The following CSPG4 variants were observed in gnomAD, a reference collection of about 807,000 sequenced individuals.
CSPG4 encodes chondroitin sulfate proteoglycan 4 (melanoma-associated).
CSPG4 carries 74 observed loss-of-function variants against 139.3 expected under a neutral mutation model. The ratio of observed to expected loss-of-function variants is 0.53; its 90% CI spans 0.44 to 0.64. CSPG4 has a LOEUF of 0.64. Among genes scored for constraint, CSPG4 ranks in the 30% least tolerant of loss-of-function variants. The pLI is 0.00. For synonymous variants in CSPG4, 1,234 were observed against 1,394.2 expected, an observed-to-expected ratio of 0.89 and a Z score of 2.56; for missense variants, 2,565 against 3,148.3, an observed-to-expected ratio of 0.81 and a Z score of 4.43.
At chr15:75,700,485 C>CT (rs982714031) in intron 1 of CSPG4, among the ~76,000 whole-genome samples, 1 of 152,144 alleles carries the variant, frequency 6.6e-6, no homozygotes, top group Non-Finnish European at 1.5e-5. Flanking sequence ...CGGGAGGGCC[C>CT]TTCTGCAGGG....
intron 1 of CSPG4, among the ~76,000 whole-genome samples, chr15:75,694,603 C>G (rs1894203769): frequency 1.3e-5 from 2 of 152,252 alleles, no homozygotes; most frequent in African/African-American, 4.8e-5. Context: ...GAGTCGGAGA[C>G]TTGTACACCC....
At chr15:75,682,261 T>G in intron 8 of CSPG4, 32 bp downstream of exon 8, 2 of 1,596,150 alleles carry the variant, frequency 1.3e-6, no homozygotes, top group Non-Finnish European at 1.7e-6. Context: ...GCTGGGGGCA[T>G]CTGAGTGGTG....
At chr15:75,683,794 C>T (rs1566972812) in intron 5 of CSPG4, among the ~76,000 whole-genome samples, 1 of 152,128 alleles carries the variant, frequency 6.6e-6, no homozygotes. Context: ...TGGGCTTCCT[C>T]CCCCGGCCCC....
chr15:75,687,492 G>A lies in CSPG4; in HGVS notation c.3573C>T (p.Asp1191=), dbSNP rs750674740. 1.2e-6 allele frequency: 2 copies of A among 1,612,542 alleles called. No homozygotes were observed. Among genetic ancestry groups the A allele is most frequent in the African/African-American group, 1.3e-5 (1 of 75,030 alleles). Residue 1191 remains aspartate, a synonymous_variant, in exon 3 of 10, where the codon GAC becomes GAT. Coordinates refer to ENST00000308508, the MANE Select transcript of CSPG4 (RefSeq NM_001897.5). The surrounding 1 kb of genome is among the most constrained non-coding windows in gnomAD (Gnocchi z 5.4). ...GQPATAFSQQ[D]LLDGAVLYSH... Reference sequence around the variant, plus strand: ...TATAGAGAACGGCCCCATCCAGCAGGTCCTGCTGGGAGAAGGCTGTGGCTG... The same window carrying A: ...TATAGAGAACGGCCCCATCCAGCAGATCCTGCTGGGAGAAGGCTGTGGCTG...
chr15:75,678,520 T>A (rs752239640), intron 8 of CSPG4: 1 of 391,090 alleles, frequency 2.6e-6, no homozygotes, highest in South Asian at 1.9e-5. Context: ...ACCCAGCTAT[T>A]TTTTTTTATT....
rs145409682 is a variant in CSPG4 at position 75,684,897 on chromosome 15, T to A, written c.4288A>T (p.Ile1430Phe). ...FSWRMVEEQL[I>F]RYVHDGSETL... ...TCGCTCCCGTCATGCACGTAGCGGA[T>A]CAGCTGCTCTTCCACCTAGGGGCAG... Residue 1430 changes from isoleucine to phenylalanine, a missense_variant, in exon 5 of 10, where the codon ATC (isoleucine) becomes TTC (phenylalanine). Physicochemically the swap from Ile to Phe is conservative, Grantham distance 21. Coordinates refer to ENST00000308508, the MANE Select transcript of CSPG4 (RefSeq NM_001897.5). 20 of 1,609,192 alleles carry A rather than the reference T, an allele frequency of 1.2e-5. No homozygotes were observed. The highest frequency in any genetic ancestry group is 1.6e-5 in the Non-Finnish European group (19 of 1,176,318).
chr15:75,694,372 C>CA (rs1304574898), intron 1 of CSPG4, among the ~76,000 whole-genome samples: 2 of 152,234 alleles, frequency 1.3e-5, no homozygotes, highest in Non-Finnish European at 2.9e-5. Context: ...TGATAAGAGC[C>CA]AAATATAACT....
Position 75,684,748 on chromosome 15 carries a change from G to T in CSPG4, c.4437C>A (p.Asn1479Lys). 6.2e-7 allele frequency: 1 copy of T among 1,613,648 alleles called. No homozygotes were observed. Among genetic ancestry groups the T allele is most frequent in the Admixed American group, 1.7e-5 (1 of 59,998 alleles). Residue 1479 changes from asparagine to lysine, a missense_variant, in exon 5 of 10, where the codon AAC (asparagine) becomes AAA (lysine). Coordinates refer to ENST00000308508, the MANE Select transcript of CSPG4 (RefSeq NM_001897.5). ...GGGATGCTCTCACCTGCAGGCCTGT[G>T]TTTGTAGTGAGGATGGGGGGTTGGT... The part of the protein sequence containing the change: ...VNDQPPILTT[N>K]TGLQMWEGAT...
chr15:75,675,465 A>G lies in CSPG4; in HGVS notation c.*85T>C. The G allele has an allele frequency of 7.3e-7, 1 of 1,362,076 alleles. No individual in the cohort carries two copies. Among genetic ancestry groups the G allele is most frequent in the African/African-American group, 1.5e-5 (1 of 68,282 alleles). 84.4% of individuals were successfully genotyped at this position (1,362,076 alleles called of 1,614,324 possible). The stretch of plus-strand genomic sequence containing the variant: ...TCTCTCTTGCTCTGGGGATACTCAG[A>G]CAGCACCAGGCATGGAAGCAATGGG... On this transcript the variant is annotated 3_prime_UTR_variant, in exon 10 of 10. Coordinates refer to ENST00000308508, the MANE Select transcript of CSPG4 (RefSeq NM_001897.5).
chr15:75,688,645 A>G lies in CSPG4; in HGVS notation c.2420T>C (p.Leu807Pro), dbSNP rs1894102950. The G allele has an allele frequency of 6.2e-7, 1 of 1,612,360 alleles. No homozygotes were observed. The highest frequency in any genetic ancestry group is 8.5e-7 in the Non-Finnish European group (1 of 1,179,806). Residue 807 changes from leucine (L) to proline (P), a missense_variant, in exon 3 of 10, where the codon CTG becomes CCG. By Grantham distance (98) the Leu-to-Pro change is moderately conservative (BLOSUM62 -3). Transcript: ENST00000308508. Reference protein sequence around the residue: ...TQQETLTTAHLEATLEEAGPS... With the variant: ...TQQETLTTAHPEATLEEAGPS... The stretch of plus-strand genomic sequence containing the variant: ...GCCTGCCTCCTCCAGGGTGGCCTCC[A>G]GGTGGGCTGTGGTGAGGGTCTCCTG...
In CSPG4 at chr15:75,689,603, C is replaced by G; in HGVS notation, c.1462G>C (p.Ala488Pro). The G allele has an allele frequency of 1.2e-6, 2 of 1,600,140 alleles. No individual in the cohort carries two copies. Among genetic ancestry groups the G allele is most frequent in the Non-Finnish European group, 1.7e-6 (2 of 1,170,224 alleles). Residue 488 changes from alanine (A) to proline (P), a missense_variant, in exon 3 of 10, where the codon GCC (alanine) becomes CCC (proline). This residue lies in a region of CSPG4 where 2,316 missense variants were observed against 2,818.2 expected (regional missense o/e 0.82). Transcript: ENST00000308508. ...AGGGTGAACATTTTTCGTGCCTGGG[C>G]TCCCGGGATGTCCAGCTCGAGCTCG... The part of the protein sequence containing the change: ...HGELELDIPG[A>P]QARKMFTLLD...
At position 75,675,250 on chromosome 15, in the gene CSPG4, G is replaced by A; in HGVS notation, c.*300C>T. On this transcript the variant is annotated 3_prime_UTR_variant, in exon 10 of 10. Coordinates refer to ENST00000308508, the MANE Select transcript of CSPG4 (RefSeq NM_001897.5). ...GGACCCAGAGTCATGACCCATGTAG[G>A]AGGTTACCCTGGTTTTGACAGCCCA... 3.1e-6 allele frequency: 1 copy of A among 327,736 alleles called. No individual in the cohort carries two copies. The highest frequency in any genetic ancestry group is 5.5e-6 in the Non-Finnish European group (1 of 181,532). 20.3% of individuals were successfully genotyped at this position (327,736 alleles called of 1,614,324 possible). A position where few individuals can be genotyped will look rare whatever the true frequency, so the allele number is the denominator to read the frequency against.
rs201111636 is a variant in CSPG4 at position 75,676,070 on chromosome 15, C to T, written c.6449G>A (p.Gly2150Asp). The T allele has an allele frequency of 1.3e-6, 2 of 1,534,096 alleles. No homozygotes were observed. The highest frequency in any genetic ancestry group is 1.7e-6 in the Non-Finnish European group (2 of 1,143,702). ...DSLTLELWAQ[G>D]VPPAVASLDF... is the part of the protein sequence containing the mutation. ...CAGGGAGGCCACAGCAGGCGGGACGCCCTGTGCCCACAGCTCCAGAGTGAG... is the reference window on the plus strand; with the variant it reads ...CAGGGAGGCCACAGCAGGCGGGACGTCCTGTGCCCACAGCTCCAGAGTGAG... The change falls in exon 10 of 10, where the codon GGC (glycine) becomes GAC (aspartate). Residue 2150 changes from glycine to aspartate, a missense_variant. Around this residue, in one of 5 missense-constraint regions of CSPG4, gnomAD observed 2,316 missense variants for 2,818.2 expected, o/e 0.82. Coordinates refer to ENST00000308508, the MANE Select transcript of CSPG4 (RefSeq NM_001897.5).
Position 75,687,542 on chromosome 15 carries a change from C to T in CSPG4, c.3523G>A (p.Gly1175Arg). The T allele has an allele frequency of 6.2e-7, 1 of 1,611,182 alleles. No homozygotes were observed. The highest frequency in any genetic ancestry group is 8.5e-7 in the Non-Finnish European group (1 of 1,178,744). Residue 1175 changes from glycine to arginine, a missense_variant, in exon 3 of 10, where the codon GGA becomes AGA. Gly to Arg is a moderately radical substitution (Grantham distance 125). This residue lies in a region of CSPG4 where 2,316 missense variants were observed against 2,818.2 expected (regional missense o/e 0.82). Transcript: ENST00000308508. The surrounding 1 kb of genome is among the most constrained non-coding windows in gnomAD (Gnocchi z 5.4). ...HYHVTAGPRWGQLVRAGQPAT... is the reference protein window; with the variant it reads ...HYHVTAGPRWRQLVRAGQPAT... ...GGCTGACCAGCCCGGACTAGCTGTC[C>T]CCAGCGAGGGCCAGCTGTGACGTGG...
At chr15:75,697,010 G>C (rs905797914) in intron 1 of CSPG4, among the ~76,000 whole-genome samples, 1 of 152,200 alleles carries the variant, frequency 6.6e-6, no homozygotes, top group Non-Finnish European at 1.5e-5. Context: ...AGGCTCCGGG[G>C]ACAAGGAGTC....
At position 75,688,222 on chromosome 15, in the gene CSPG4, C is replaced by G. The variant is rs143336068; in HGVS notation, c.2843G>C (p.Arg948Pro). Residue 948 changes from arginine (R) to proline (P), a missense_variant, in exon 3 of 10, where the codon CGT becomes CCT. Arg to Pro is a moderately radical substitution (Grantham distance 103). Coordinates refer to ENST00000308508, the MANE Select transcript of CSPG4 (RefSeq NM_001897.5). ...CATAGTGGTCTTGTCCTGTGTCCCA[C>G]GCCAAGCCAACCTCCCATGGCGGGG... Reference protein sequence around the residue: ...ERPRHGRLAWRGTQDKTTMVT... With the variant: ...ERPRHGRLAWPGTQDKTTMVT... 43 of 1,612,966 alleles carry G rather than the reference C, an allele frequency of 2.7e-5. No homozygotes were observed. The highest frequency in any genetic ancestry group is 5.0e-5 in the Admixed American group (3 of 60,022).
At position 75,689,424 on chromosome 15, in the gene CSPG4, G is replaced by T. The variant is rs149356457; in HGVS notation, c.1641C>A (p.Asn547Lys). Residue 547 changes from asparagine to lysine, a missense_variant, in exon 3 of 10, where the codon AAC (asparagine) becomes AAA (lysine). Physicochemically the swap from Asn to Lys is moderately conservative, Grantham distance 94. Transcript: ENST00000308508. ...TGATGTGGGGTGGGTCATTGACAGGGTTGACCTGGATGGGCAGGAGGTATG... is the reference window on the plus strand; with the variant it reads ...TGATGTGGGGTGGGTCATTGACAGGTTTGACCTGGATGGGCAGGAGGTATG... ...GQTYLLPIQV[N>K]PVNDPPHIIF... The T allele has an allele frequency of 1.1e-3, 1,807 of 1,612,772 alleles. 11 individuals carry two copies. Among genetic ancestry groups the T allele is most frequent in the South Asian group, 5.9e-3 (539 of 91,062 alleles).
chr15:75,685,516 A>G lies in CSPG4; in HGVS notation c.3975T>C (p.Pro1325=). Residue 1325 remains proline (P), a synonymous_variant, in exon 4 of 10, where the codon CCT becomes CCC. Coordinates refer to ENST00000308508, the MANE Select transcript of CSPG4 (RefSeq NM_001897.5). ...GCGAGAAGGCATCGCTCCAGGCCTC[A>G]GGGCGGGAGTGCAGGTACAGGACCC... ...TGRVLYLHSR[P]EAWSDAFSLD... 1 of 1,608,860 alleles carries G rather than the reference A, an allele frequency of 6.2e-7. No individual in the cohort carries two copies. Among genetic ancestry groups the G allele is most frequent in the Middle Eastern group, 1.9e-4 (1 of 5,162 alleles).
Position 75,687,754 on chromosome 15 carries a change from T to C in CSPG4, c.3311A>G (p.Gln1104Arg). 6.2e-7 allele frequency: 1 copy of C among 1,612,982 alleles called. No homozygotes were observed. The change falls in exon 3 of 10, where the codon CAG becomes CGG. Residue 1104 changes from glutamine (Q) to arginine (R), a missense_variant. By Grantham distance (43) the Gln-to-Arg change is conservative. Around this residue, in one of 5 missense-constraint regions of CSPG4, gnomAD observed 2,316 missense variants for 2,818.2 expected, o/e 0.82. Coordinates refer to ENST00000308508, the MANE Select transcript of CSPG4 (RefSeq NM_001897.5). This position sits in a 1 kb window ranked among gnomAD's most constrained non-coding sequence, Gnocchi z 5.4. Reference protein sequence around the residue: ...VHSGADRGWIQLQVSDGQHQA... With the variant: ...VHSGADRGWIRLQVSDGQHQA... ...GTGTTGCCCGTCGGACACCTGCAGC[T>C]GGATCCAGCCACGGTCAGCCCCTGA...
Sources: allele counts gnomAD v4.1 joint callset (sites outside exome capture counted in the v4.1 genomes callset), GRCh38; gene constraint gnomAD v4.1.1; regional missense constraint gnomAD v4.1.1; non-coding constraint Gnocchi (gnomAD v3.1); transcripts MANE v1.5; gene names NCBI Gene and HGNC (gene_info 2026-07-23, HGNC 2026-07-21).